The following KHDRBS3 variants were observed in gnomAD, a reference collection of about 807,000 sequenced individuals.
The protein encoded by KHDRBS3 is KH domain-containing, RNA-binding, signal transduction-associated protein 3.
A neutral mutation model predicts 45.6 loss-of-function variants in KHDRBS3; 23 were observed. That is an observed-to-expected ratio of 0.50 (90% CI 0.36 to 0.72). The LOEUF (loss-of-function observed/expected upper bound fraction) is 0.72, where lower values mean the gene tolerates loss of function less well. Ranked by LOEUF, KHDRBS3 falls within the 30% of genes least tolerant of loss-of-function variation. KHDRBS3 has a pLI of 0.00. For missense variants in KHDRBS3, 352 were observed against 424.8 expected (o/e 0.83, Z 1.51); for synonymous variants, 162 against 156.5 (o/e 1.04, Z -0.26).
intron 2 of KHDRBS3, 80 bp from the exon 3 acceptor site, chr8:135,542,574 T>C (rs1826096671): frequency 5.7e-6 from 5 of 873,962 alleles, no homozygotes; most frequent in African/African-American, 1.7e-5. Context: ...TGTAGCACAC[T>C]ACAGTGTTTC....
Position 135,457,969 on chromosome 8 carries a change from G to C in KHDRBS3, c.88+15G>C, listed in dbSNP as rs779812408. 1 of 1,577,996 alleles carries C rather than the reference G, an allele frequency of 6.3e-7. No individual in the cohort carries two copies. Among genetic ancestry groups the C allele is most frequent in the African/African-American group, 1.4e-5 (1 of 72,946 alleles). ...GGTGAACCAAGGTGAGGCGCCGGCC[G>C]TTAACTGCCGGCCGGCGGCGGTTGG... is the stretch of plus-strand genomic sequence containing the variant. On this transcript the variant is annotated intron_variant, in intron 1 of 8. Coordinates refer to ENST00000355849, the MANE Select transcript of KHDRBS3 (RefSeq NM_006558.3). The surrounding 1 kb of genome is among the most constrained non-coding windows in gnomAD (Gnocchi z 4.4).
At chr8:135,497,599 G>T (rs112662186) in intron 1 of KHDRBS3, among the ~76,000 whole-genome samples, 19 of 152,032 alleles carry the variant, frequency 1.2e-4, no homozygotes, top group African/African-American at 3.9e-4. Flanking sequence ...AAATTATAAG[G>T]TTATTAGGAC....
intron 5 of KHDRBS3, among the ~76,000 whole-genome samples, chr8:135,566,557 A>G (rs1827426317): frequency 6.6e-6 from 1 of 152,206 alleles, no homozygotes; most frequent in African/African-American, 2.4e-5. Flanking sequence ...AACCTTCATT[A>G]TTAAAGTTTT....
intron 7 of KHDRBS3, among the ~76,000 whole-genome samples, chr8:135,617,503 C>T (rs1829969304): frequency 1.3e-5 from 2 of 152,062 alleles, no homozygotes; most frequent in South Asian, 4.1e-4. Context: ...GTCTCAAACT[C>T]CTGACCTCAG....
intron 1 of KHDRBS3, among the ~76,000 whole-genome samples, chr8:135,504,138 G>C (rs183026699): frequency 2.0e-5 from 3 of 152,226 alleles, no homozygotes; most frequent in Admixed American, 2.0e-4. Flanking sequence ...TGATTTGAAT[G>C]TATGTTTTTA....
At chr8:135,598,690 G>A (rs1829076152) in intron 6 of KHDRBS3, among the ~76,000 whole-genome samples, 1 of 152,132 alleles carries the variant, frequency 6.6e-6, no homozygotes, top group Admixed American at 6.5e-5. Flanking sequence ...AGTCTAATGA[G>A]TCTCAGAGGT....
chr8:135,485,870 T>TATATATA (rs1554615398), intron 1 of KHDRBS3, among the ~76,000 whole-genome samples: 4 of 104,658 alleles, frequency 3.8e-5, no homozygotes, highest in African/African-American at 2.0e-4. Flanking sequence ...ATATATATAT[T>TATATATA]TTATTTTTCT....
intron 2 of KHDRBS3, chr8:135,540,665 G>T (rs1206024718): frequency 6.6e-6 from 1 of 152,218 alleles, no homozygotes; most frequent in Non-Finnish European, 1.5e-5. Flanking sequence ...TGGCAGCTGG[G>T]CTTACACCTC....
chr8:135,523,434 A>G (rs1317748036), intron 2 of KHDRBS3, among the ~76,000 whole-genome samples: 1 of 152,094 alleles, frequency 6.6e-6, no homozygotes, highest in Non-Finnish European at 1.5e-5. Context: ...TTTCTAATAT[A>G]AAATTTTGTA....
intron 1 of KHDRBS3, among the ~76,000 whole-genome samples, chr8:135,513,236 A>G (rs1701107817): frequency 6.6e-6 from 1 of 152,108 alleles, no homozygotes; most frequent in African/African-American, 2.4e-5. Flanking sequence ...CAGACTTGCA[A>G]TTTCTAGGTT....
At chr8:135,461,109 T>A (rs886922040) in intron 1 of KHDRBS3, among the ~76,000 whole-genome samples, 3 of 152,210 alleles carry the variant, frequency 2.0e-5, no homozygotes, top group African/African-American at 7.2e-5. Flanking sequence ...ATTTATTTAT[T>A]TATTTTTTTG....
At chr8:135,603,944 G>GT (rs66761097) in intron 6 of KHDRBS3, among the ~76,000 whole-genome samples, 1 of 150,664 alleles carries the variant, frequency 6.6e-6, no homozygotes, top group Non-Finnish European at 1.5e-5. Context: ...TTGTTCAAAT[G>GT]TTTTTTTTTT....
At chr8:135,559,584 A>G (rs1490322564) in intron 5 of KHDRBS3, among the ~76,000 whole-genome samples, 1 of 152,050 alleles carries the variant, frequency 6.6e-6, no homozygotes, top group African/African-American at 2.4e-5. Context: ...GCTGCTCTCT[A>G]ACTCCTGACC....
chr8:135,645,409 A>G (rs1373226376), intron 8 of KHDRBS3, among the ~76,000 whole-genome samples: 2 of 152,196 alleles, frequency 1.3e-5, no homozygotes, highest in Non-Finnish European at 2.9e-5. Context: ...AACTTCAGAC[A>G]CTTGATAGCT....
chr8:135,575,138 A>G (rs1361502054), intron 5 of KHDRBS3, among the ~76,000 whole-genome samples: 1 of 152,262 alleles, frequency 6.6e-6, no homozygotes, highest in African/African-American at 2.4e-5. Context: ...TACAATAGTC[A>G]TTAAAGGTTT....
At chr8:135,619,793 G>A (rs1033254571) in intron 7 of KHDRBS3, among the ~76,000 whole-genome samples, 1 of 152,172 alleles carries the variant, frequency 6.6e-6, no homozygotes, top group African/African-American at 2.4e-5. Flanking sequence ...AGCTCCAGTG[G>A]AGCCCTGCAT....
intron 1 of KHDRBS3, among the ~76,000 whole-genome samples, chr8:135,499,524 T>C (rs879197131): frequency 3.3e-5 from 5 of 152,170 alleles, no homozygotes; most frequent in Admixed American, 3.3e-4. Flanking sequence ...TTGCAACACT[T>C]TTCTTATCTG....
intron 7 of KHDRBS3, among the ~76,000 whole-genome samples, chr8:135,619,242 T>C (rs1830039735): frequency 6.6e-6 from 1 of 152,212 alleles, no homozygotes; most frequent in Admixed American, 6.5e-5. Context: ...CACATGAAAA[T>C]GAATTTATGT....
rs67971673 is a variant in KHDRBS3 at position 135,512,429 on chromosome 8, CG to C, written c.89-8798del. On this transcript the variant is annotated intron_variant, in intron 1 of 8. Coordinates refer to ENST00000355849, the MANE Select transcript of KHDRBS3 (RefSeq NM_006558.3). ...CAAGAGTTAAGGTGTTTGGAAAAGT[CG>C]GGGGGGGGGTAATAACTCTATTGAT... Among the ~76,000 whole-genome samples the C allele has an allele frequency of 4.6e-3, 356 of 78,040 alleles. 16 individuals are homozygous for C. The highest frequency in any genetic ancestry group is 5.7e-3 in the African/African-American group (86 of 15,076). The allele number at this position is 78,040 out of a possible 152,430, so 51.2% of individuals were successfully genotyped here. A position where few individuals can be genotyped will look rare whatever the true frequency, so the allele number is the denominator to read the frequency against.
Sources: gnomAD v4.1 joint callset for allele counts (sites outside exome capture counted in the v4.1 genomes callset) on GRCh38, gnomAD v4.1.1 for gene constraint, Gnocchi (gnomAD v3.1) non-coding constraint, MANE v1.5 for transcripts, NCBI Gene and HGNC (gene_info 2026-07-23, HGNC 2026-07-21) for gene names.